SZT2: variants seen among roughly 807,000 people sequenced by gnomAD.
The protein encoded by SZT2 is KICSTOR complex protein SZT2.
SZT2 carries 216 observed loss-of-function variants against 404.2 expected under a neutral mutation model. That is an observed-to-expected ratio of 0.53 (90% CI 0.48 to 0.60). The LOEUF (loss-of-function observed/expected upper bound fraction) is 0.60, where lower values mean the gene tolerates loss of function less well. Among genes scored for constraint, SZT2 ranks in the 20% least tolerant of loss-of-function variants. The pLI is 0.00. For missense variants in SZT2, 3,857 were observed against 4,459.2 expected, an observed-to-expected ratio of 0.86 and a Z score of 3.85; for synonymous variants, 1,693 against 1,749.9, an observed-to-expected ratio of 0.97 and a Z score of 0.81.
intron 6 of SZT2, among the ~76,000 whole-genome samples, 160 bp from the exon 7 acceptor site, chr1:43,416,375 G>A (rs1651724736): frequency 1.3e-5 from 2 of 152,178 alleles, no homozygotes; most frequent in African/African-American, 4.8e-5. Flanking sequence ...GGGTAAGGGA[G>A]AAGGAAAGGT....
Position 43,440,577 on chromosome 1 carries a change from G to C in SZT2, c.7335G>C (p.Trp2445Cys). The change falls in exon 52 of 72, where the codon TGG becomes TGC. Residue 2445 changes from tryptophan (W) to cysteine (C), a missense_variant. Physicochemically the swap from Trp to Cys is radical, Grantham distance 215. Transcript: ENST00000634258. ...PPSKAGRRSF[W>C]DMLSKTECGD... is the part of the protein sequence containing the mutation. ...GCAAAGCGGGCCGGCGTAGCTTCTGGGATATGCTGGTAATGGAAGAAGTGG... is the reference window on the plus strand; with the variant it reads ...GCAAAGCGGGCCGGCGTAGCTTCTGCGATATGCTGGTAATGGAAGAAGTGG... The C allele has an allele frequency of 6.3e-7, 1 of 1,593,448 alleles. No homozygotes were observed.
rs143822781 is a variant in SZT2, at chr1:43,405,508, A to G, written c.498+958A>G. The stretch of plus-strand genomic sequence containing the variant: ...AGTTTCCCCTCATCTGCTTTTAACT[A>G]CCCTTAACTCATTGGTAAAGGCTTT... On this transcript the variant is annotated intron_variant, in intron 4 of 71. Coordinates refer to ENST00000634258, the MANE Select transcript of SZT2 (RefSeq NM_001365999.1). 3.9e-5 allele frequency: 6 copies of G among 152,172 alleles called. No homozygotes were observed. In the East Asian group the frequency reaches 1.2e-3, roughly 29 times the overall value. 9.4% of individuals were successfully genotyped at this position (152,172 alleles called of 1,614,324 possible). A position where few individuals can be genotyped will look rare whatever the true frequency, so the allele number is the denominator to read the frequency against.
At chr1:43,400,867 C>G (rs969578690) in intron 1 of SZT2, among the ~76,000 whole-genome samples, 2 of 150,264 alleles carry the variant, frequency 1.3e-5, no homozygotes, top group Admixed American at 1.3e-4. Flanking sequence ...AGCAAAACTC[C>G]GTCTCAAAAA....
chr1:43,403,640 C>T lies in SZT2; in HGVS notation c.193C>T (p.Pro65Ser). 1.2e-6 allele frequency: 2 copies of T among 1,614,104 alleles called. No individual in the cohort carries two copies. The highest frequency in any genetic ancestry group is 1.7e-6 in the Non-Finnish European group (2 of 1,179,992). Residue 65 changes from proline to serine, a missense_variant, in exon 3 of 72, where the codon CCC becomes TCC. Coordinates refer to ENST00000634258, the MANE Select transcript of SZT2 (RefSeq NM_001365999.1). ...GGAATTGGAAGTCCTCAGTGTCCTG[C>T]CCCCTGGGTGGCAGCCAGATGAACC... Reference protein sequence around the residue: ...EQELEVLSVLPPGWQPDEPVV... With the variant: ...EQELEVLSVLSPGWQPDEPVV...
In SZT2 at chr1:43,439,051, C is replaced by T. The variant is rs1302592457; in HGVS notation, c.6750C>T (p.His2250=). The change falls in exon 48 of 72, where the codon CAC becomes CAT. Residue 2250 remains histidine (H), a synonymous_variant. Transcript: ENST00000634258. This position sits in a 1 kb window ranked among gnomAD's most constrained non-coding sequence, Gnocchi z 4.2. ...YLRQNLLIFL[H]SPKYTDSNSR... is the part of the protein sequence containing the mutation. ...GGCAGAACTTGCTCATCTTCCTGCA[C>T]TCTCCCAAGTACACAGATAGCAACA... 6.2e-7 allele frequency: 1 copy of T among 1,614,230 alleles called. No homozygotes were observed. The highest frequency in any genetic ancestry group is 1.1e-5 in the South Asian group (1 of 91,084).
chr1:43,435,115 T>G, intron 41 of SZT2, 85 bp from the exon 42 acceptor site: 1 of 1,493,814 alleles, frequency 6.7e-7, no homozygotes, highest in Non-Finnish European at 9.1e-7. Flanking sequence ...GTGGTCATTC[T>G]CTCTGGCATT....
Position 43,452,458 on chromosome 1 carries a change from C to T in SZT2, c.*1978C>T. 1 of 736,686 alleles carries T rather than the reference C, an allele frequency of 1.4e-6. No individual in the cohort carries two copies. Among genetic ancestry groups the T allele is most frequent in the Non-Finnish European group, 2.5e-6 (1 of 404,864 alleles). 45.6% of individuals were successfully genotyped at this position (736,686 alleles called of 1,614,324 possible). A position where few individuals can be genotyped will look rare whatever the true frequency, so the allele number is the denominator to read the frequency against. On this transcript the variant is annotated 3_prime_UTR_variant, in exon 72 of 72. Transcript: ENST00000634258. ...ACCTGGGTCACGATGCCCAGGTATC[C>T]CAGCACTTTCAGAGACACTTCAGTG...
intron 4 of SZT2, chr1:43,406,305 C>A: frequency 3.8e-6 from 1 of 262,416 alleles, no homozygotes; most frequent in Non-Finnish European, 7.6e-6. Flanking sequence ...ACCATGTTGG[C>A]CAGGCTGCCC....
chr1:43,449,826 ACT>A (rs1345733585), intron 70 of SZT2: 5 of 549,602 alleles, frequency 9.1e-6, no homozygotes, highest in East Asian at 3.2e-5. Flanking sequence ...GGGGTACAGC[ACT>A]CTCTGTTGAT....
chr1:43,454,155 T>A lies in SZT2; in HGVS notation c.*3675T>A. The A allele has an allele frequency of 2.3e-6, 1 of 427,408 alleles. No individual in the cohort carries two copies. The highest frequency in any genetic ancestry group is 3.2e-6 in the Non-Finnish European group (1 of 309,758). 26.5% of individuals were successfully genotyped at this position (427,408 alleles called of 1,614,324 possible). ...AATGATGGGACGCGCACTTTAATACTGAGTCTTTCCTCTGATTATAAAAAT... is the reference window on the plus strand; with the variant it reads ...AATGATGGGACGCGCACTTTAATACAGAGTCTTTCCTCTGATTATAAAAAT... On this transcript the variant is annotated 3_prime_UTR_variant, in exon 72 of 72. Coordinates refer to ENST00000634258, the MANE Select transcript of SZT2 (RefSeq NM_001365999.1).
At chr1:43,392,992 G>C (rs1557496144) in intron 1 of SZT2, among the ~76,000 whole-genome samples, 1 of 152,112 alleles carries the variant, frequency 6.6e-6, no homozygotes, top group Non-Finnish European at 1.5e-5. Flanking sequence ...TCTTTATGGA[G>C]TAAACAAGGA....
Position 43,451,954 on chromosome 1 carries a change from G to A in SZT2, c.*1474G>A, listed in dbSNP as rs374964265. ...TCGTACCCTGCTGGGGCGTGTCCAG[G>A]AAGTACTGGGGGTCAGTGATGCGGG... On this transcript the variant is annotated 3_prime_UTR_variant, in exon 72 of 72. Transcript: ENST00000634258. 10 of 1,612,104 alleles carry A rather than the reference G, an allele frequency of 6.2e-6. No homozygotes were observed. Among genetic ancestry groups the A allele is most frequent in the Middle Eastern group, 3.3e-4 (2 of 6,078 alleles).
Position 43,447,146 on chromosome 1 carries a change from T to A in SZT2, c.9264T>A (p.Phe3088Leu). The stretch of plus-strand genomic sequence containing the variant: ...CCCACCACCCTGACGGACCCCACTT[T>A]GGCCGCAATCACATTTACCAAGGTC... ...FLAHHPDGPH[F>L]GRNHIYQGTL... The change falls in exon 66 of 72, where the codon TTT (phenylalanine) becomes TTA (leucine). Residue 3088 changes from phenylalanine to leucine, a missense_variant. Physicochemically the swap from Phe to Leu is conservative, Grantham distance 22 (BLOSUM62 0). Coordinates refer to ENST00000634258, the MANE Select transcript of SZT2 (RefSeq NM_001365999.1). The A allele has an allele frequency of 6.2e-7, 1 of 1,612,982 alleles. No individual in the cohort carries two copies. The highest frequency in any genetic ancestry group is 1.1e-5 in the South Asian group (1 of 90,932).
Position 43,441,455 on chromosome 1 carries a change from A to G in SZT2, c.7512-49A>G, listed in dbSNP as rs2153935713. 1 of 1,610,332 alleles carries G rather than the reference A, an allele frequency of 6.2e-7. No individual in the cohort carries two copies. The highest frequency in any genetic ancestry group is 8.5e-7 in the Non-Finnish European group (1 of 1,177,916). On this transcript the variant is annotated intron_variant, in intron 53 of 71. Coordinates refer to ENST00000634258, the MANE Select transcript of SZT2 (RefSeq NM_001365999.1). This position sits in a 1 kb window ranked among gnomAD's most constrained non-coding sequence, Gnocchi z 4.8. ...CAGATGGGCCTTGGTCTGTATAAAC[A>G]TACAAGTGTCATGTATGGACATGAG...
Position 43,421,968 on chromosome 1 carries a change from C to A in SZT2, c.1627-115C>A, listed in dbSNP as rs1024755242. ...CTTCAGGCTGGGCTGTAGCCTCAAA[C>A]CACTGCTGTCTCTGACTCTCTGAAC... On this transcript the variant is annotated intron_variant, in intron 11 of 71. Coordinates refer to ENST00000634258, the MANE Select transcript of SZT2 (RefSeq NM_001365999.1). The A allele has an allele frequency of 1.1e-5, 13 of 1,202,852 alleles. No individual in the cohort carries two copies. The African/African-American group carries it at 1.8e-4, about 17-fold the overall frequency. 74.5% of individuals were successfully genotyped at this position (1,202,852 alleles called of 1,614,324 possible).
intron 4 of SZT2, among the ~76,000 whole-genome samples, chr1:43,409,032 A>T (rs1472102575): frequency 6.6e-6 from 1 of 152,208 alleles, no homozygotes; most frequent in Middle Eastern, 3.2e-3. Flanking sequence ...TAGGATGGGG[A>T]TACTTATTTA....
At chr1:43,445,635 C>T (rs752982042) in intron 62 of SZT2, 5 of 558,290 alleles carry the variant, frequency 9.0e-6, no homozygotes, top group Non-Finnish European at 1.6e-5. Context: ...CACACCCTCT[C>T]AGTAGCAGAG....
Position 43,429,860 on chromosome 1 carries a change from G to A in SZT2, c.4308+16G>A. On this transcript the variant is annotated intron_variant, in intron 29 of 71. Transcript: ENST00000634258. Reference sequence around the variant, plus strand: ...CGTCATCCAGGTGGGAAGCTTGGGTGAGGGTAGAAGAGGTGTTAGAGTCCT... The same window carrying A: ...CGTCATCCAGGTGGGAAGCTTGGGTAAGGGTAGAAGAGGTGTTAGAGTCCT... 6.2e-7 allele frequency: 1 copy of A among 1,613,972 alleles called. No homozygotes were observed. Among genetic ancestry groups the A allele is most frequent in the East Asian group, 2.2e-5 (1 of 44,874 alleles).
chr1:43,394,431 G>A (rs1648754150), intron 1 of SZT2, among the ~76,000 whole-genome samples: 2 of 152,070 alleles, frequency 1.3e-5, no homozygotes, highest in African/African-American at 2.4e-5. Context: ...ACTCAACGCT[G>A]TATTTTCATA....
Sources: gnomAD v4.1 joint callset for allele counts (sites outside exome capture counted in the v4.1 genomes callset) on GRCh38, gnomAD v4.1.1 for gene constraint, Gnocchi (gnomAD v3.1) non-coding constraint, MANE v1.5 for transcripts, NCBI Gene and HGNC (gene_info 2026-07-23, HGNC 2026-07-21) for gene names.